The following SEC22A variants were observed in gnomAD, a reference collection of about 807,000 sequenced individuals.
The protein encoded by SEC22A is SEC22 homolog A, vesicle trafficking protein.
SEC22A carries 22 observed loss-of-function variants against 35.3 expected under a neutral mutation model. That is an observed-to-expected ratio of 0.62 (90% CI 0.45 to 0.89). SEC22A has a LOEUF of 0.89. Among genes scored for constraint, SEC22A ranks in the 40% least tolerant of loss-of-function variants. The pLI is 0.00. For synonymous variants in SEC22A, 119 were observed against 129.5 expected (o/e 0.92, Z 0.55); for missense variants, 354 against 362.5 (o/e 0.98, Z 0.19).
intron 4 of SEC22A, among the ~76,000 whole-genome samples, chr3:123,234,714 A>G (rs1937385250): frequency 6.6e-6 from 1 of 152,164 alleles, no homozygotes; most frequent in South Asian, 2.1e-4. Flanking sequence ...ACTTAACACC[A>G]AAATCACAAT....
intron 2 of SEC22A, among the ~76,000 whole-genome samples, chr3:123,210,039 G>T (rs1470934282): frequency 1.3e-5 from 2 of 152,216 alleles, no homozygotes; most frequent in Non-Finnish European, 2.9e-5. Flanking sequence ...GTTGCAGAAA[G>T]TGAGGCCAGA....
chr3:123,213,596 A>AT (rs1321210152), intron 2 of SEC22A, among the ~76,000 whole-genome samples: 1 of 152,128 alleles, frequency 6.6e-6, no homozygotes, highest in Non-Finnish European at 1.5e-5. Context: ...ACTTATTAAA[A>AT]TTTCTTATTT....
intron 5 of SEC22A, among the ~76,000 whole-genome samples, chr3:123,256,138 A>G (rs1196373657): frequency 1.3e-5 from 2 of 152,160 alleles, no homozygotes; most frequent in Non-Finnish European, 2.9e-5. Context: ...AATGTTCTAT[A>G]TAGTGTTTTG....
chr3:123,238,506 T>C (rs989613577), intron 4 of SEC22A, among the ~76,000 whole-genome samples: 9 of 152,214 alleles, frequency 5.9e-5, no homozygotes, highest in Admixed American at 4.6e-4. Flanking sequence ...TAGAACTTAT[T>C]TTAATATAAC....
chr3:123,263,377 A>ATATG (rs1168434071), intron 6 of SEC22A, among the ~76,000 whole-genome samples: 16 of 152,162 alleles, frequency 1.1e-4, no homozygotes, highest in Non-Finnish European at 2.2e-4. Flanking sequence ...CTCCTCCTAC[A>ATATG]TAGTCATTGA....
intron 4 of SEC22A, among the ~76,000 whole-genome samples, chr3:123,233,182 G>A (rs1937351610): frequency 6.6e-6 from 1 of 152,154 alleles, no homozygotes; most frequent in Non-Finnish European, 1.5e-5. Flanking sequence ...GTCAGTGATA[G>A]ACTGAATATA....
At chr3:123,223,061 TGTAAA>T (rs926337552) in intron 2 of SEC22A, among the ~76,000 whole-genome samples, 1 of 152,216 alleles carries the variant, frequency 6.6e-6, no homozygotes, top group Non-Finnish European at 1.5e-5. Flanking sequence ...TTAATTACTG[TGTAAA>T]GTAGAGGATT....
chr3:123,228,402 TAAAAA>T (rs754123559), intron 4 of SEC22A, among the ~76,000 whole-genome samples: 5 of 90,146 alleles, frequency 5.5e-5, no homozygotes, highest in Admixed American at 2.4e-4. Context: ...CCGTCTCTAC[TAAAAA>T]AAAAAAAAAA....
At chr3:123,208,769 A>G (rs1236435834) in intron 1 of SEC22A, 4 of 175,690 alleles carry the variant, frequency 2.3e-5, no homozygotes, top group Non-Finnish European at 4.9e-5. Context: ...TAAGTGAAGC[A>G]TAGTATGTTG....
chr3:123,233,714 C>G (rs9846636), intron 4 of SEC22A, among the ~76,000 whole-genome samples: 29,763 of 151,688 alleles, frequency 0.2, 3,023 homozygotes, highest in Middle Eastern at 0.28. Flanking sequence ...GATAAAAGTC[C>G]CTTATGGAAA....
chr3:123,206,935 A>G (rs535894282), intron 1 of SEC22A, among the ~76,000 whole-genome samples: 50 of 152,296 alleles, frequency 3.3e-4, no homozygotes, highest in African/African-American at 1.1e-3. Flanking sequence ...TGAAAATACA[A>G]AAATGAGCTG....
chr3:123,249,011 C>T (rs1211793761), intron 5 of SEC22A, among the ~76,000 whole-genome samples: 2 of 152,180 alleles, frequency 1.3e-5, no homozygotes, highest in South Asian at 2.1e-4. Context: ...CAGGTTGTCA[C>T]CAATTGGAAG....
At chr3:123,228,793 A>G (rs1429711391) in intron 4 of SEC22A, among the ~76,000 whole-genome samples, 2 of 152,126 alleles carry the variant, frequency 1.3e-5, no homozygotes, top group East Asian at 1.9e-4. Context: ...CATCAAATAG[A>G]CAATACCAAT....
At chr3:123,229,347 A>T (rs1326147774) in intron 4 of SEC22A, among the ~76,000 whole-genome samples, 1 of 152,242 alleles carries the variant, frequency 6.6e-6, no homozygotes, top group East Asian at 1.9e-4. Context: ...GTGAACCTCA[A>T]TAAGATTAAC....
intron 2 of SEC22A, 35 bp downstream of exon 2, chr3:123,209,434 C>T (rs765097804): frequency 1.3e-6 from 2 of 1,542,112 alleles, no homozygotes; most frequent in Non-Finnish European, 1.8e-6. Context: ...GACTCATTTG[C>T]CCAGTAGTTG....
At chr3:123,226,150 AG>A (rs1213470820) in intron 4 of SEC22A, among the ~76,000 whole-genome samples, 69 of 152,356 alleles carry the variant, frequency 4.5e-4, no homozygotes, top group African/African-American at 1.6e-3. Flanking sequence ...AATATACTGC[AG>A]TAAACATGAG....
intron 3 of SEC22A, 129 bp downstream of exon 3, chr3:123,223,851 T>A: frequency 1.5e-6 from 1 of 650,744 alleles, no homozygotes; most frequent in Non-Finnish European, 2.5e-6. Flanking sequence ...GTAAATGATC[T>A]ATAAATTATG....
chr3:123,247,527 T>C (rs1937577079), intron 5 of SEC22A, among the ~76,000 whole-genome samples: 1 of 152,208 alleles, frequency 6.6e-6, no homozygotes, highest in South Asian at 2.1e-4. Flanking sequence ...TCTCCTCTGA[T>C]TTAAAACTTA....
chr3:123,255,875 A>G (rs915858931), intron 5 of SEC22A, among the ~76,000 whole-genome samples: 11 of 151,708 alleles, frequency 7.3e-5, no homozygotes, highest in Non-Finnish European at 4.4e-5. Flanking sequence ...GAACAGCAGA[A>G]TTAACATCCA....
Sources: gnomAD v4.1 joint callset for allele counts (sites outside exome capture counted in the v4.1 genomes callset) on GRCh38, gnomAD v4.1.1 for gene constraint, MANE v1.5 for transcripts, NCBI Gene and HGNC (gene_info 2026-07-23, HGNC 2026-07-21) for gene names.